Variants in CHN2 observed in about 807,000 individuals in gnomAD.
CHN2 encodes the protein beta-chimaerin.
CHN2 carries 35 observed loss-of-function variants against 56.3 expected under a neutral mutation model. The ratio of observed to expected loss-of-function variants is 0.62; its 90% CI spans 0.47 to 0.82. The LOEUF is 0.82. CHN2 is among the 40% of genes least tolerant of loss of function. The pLI is 0.00. For missense variants in CHN2, 491 were observed against 580.5 expected, an observed-to-expected ratio of 0.85 and a Z score of 1.58; for synonymous variants, 210 against 212.8, an observed-to-expected ratio of 0.99 and a Z score of 0.12.
At chr7:29,296,563 A>G (rs527520323) in intron 1 of CHN2, among the ~76,000 whole-genome samples, 1 of 152,240 alleles carries the variant, frequency 6.6e-6, no homozygotes, top group Non-Finnish European at 1.5e-5. Flanking sequence ...GGGTACCTTC[A>G]AGAGAGCATT....
In CHN2 at chr7:29,499,884, CACAA is replaced by C. The variant is rs1223308403; in HGVS notation, c.761_764del (p.Lys254SerfsTer29). ...GTTTACAGACTGTGGATTGAACGTACACAAACAGTGTTCCAAGCACGTTCCCAAT... is the reference window on the plus strand; with the variant it reads ...GTTTACAGACTGTGGATTGAACGTACACAGTGTTCCAAGCACGTTCCCAAT... On this transcript the variant is annotated frameshift_variant, in exon 9 of 13. Transcript: ENST00000222792. LOFTEE classifies it high-confidence loss of function. 1.9e-6 allele frequency: 3 copies of C among 1,601,104 alleles called. No homozygotes were observed. The highest frequency in any genetic ancestry group is 2.6e-6 in the Non-Finnish European group (3 of 1,175,486).
intron 6 of CHN2, among the ~76,000 whole-genome samples, chr7:29,441,721 G>A (rs984154427): frequency 3.3e-5 from 5 of 151,984 alleles, no homozygotes; most frequent in Admixed American, 6.6e-5. Context: ...AATCAAAACC[G>A]CATTGATATT....
At chr7:29,496,882 T>A (rs1242396367) in intron 8 of CHN2, among the ~76,000 whole-genome samples, 1 of 152,214 alleles carries the variant, frequency 6.6e-6, no homozygotes, top group African/African-American at 2.4e-5. Context: ...TCCTCTGATA[T>A]TGATCAGGTT....
At chr7:29,153,705 G>T (rs1223878569) in intron 2 of CHN2, among the ~76,000 whole-genome samples, 1 of 152,114 alleles carries the variant, frequency 6.6e-6, no homozygotes, top group Non-Finnish European at 1.5e-5. Context: ...GAGTGGCTGG[G>T]ATTACAGGTG....
At chr7:29,327,662 C>T (rs867011571) in intron 1 of CHN2, among the ~76,000 whole-genome samples, 1 of 152,032 alleles carries the variant, frequency 6.6e-6, no homozygotes, top group Non-Finnish European at 1.5e-5. Flanking sequence ...CGCGGTGCTC[C>T]CATATTGGGA....
intron 1 of CHN2, among the ~76,000 whole-genome samples, chr7:29,287,181 C>A (rs1325920242): frequency 6.6e-6 from 1 of 152,164 alleles, no homozygotes; most frequent in African/African-American, 2.4e-5. Context: ...GGCAGAGAGA[C>A]TTTTGCTGAG....
chr7:29,331,950 T>G (rs1796252516), intron 1 of CHN2, among the ~76,000 whole-genome samples: 1 of 148,648 alleles, frequency 6.7e-6, no homozygotes, highest in Admixed American at 6.7e-5. Flanking sequence ...AGGTGGAGAT[T>G]GCAGTGAGCC....
At chr7:29,361,556 C>T (rs556610209) in intron 2 of CHN2, among the ~76,000 whole-genome samples, 2 of 152,310 alleles carry the variant, frequency 1.3e-5, no homozygotes, top group African/African-American at 4.8e-5. Flanking sequence ...AGAGAGGTGG[C>T]AGTTCCTCGC....
At chr7:29,313,804 G>T (rs1018046451) in intron 1 of CHN2, among the ~76,000 whole-genome samples, 1 of 152,136 alleles carries the variant, frequency 6.6e-6, no homozygotes, top group Non-Finnish European at 1.5e-5. Flanking sequence ...GGGGTCTTAA[G>T]GTGGTTTATG....
At chr7:29,376,064 A>T (rs1800055407) in intron 3 of CHN2, among the ~76,000 whole-genome samples, 1 of 152,204 alleles carries the variant, frequency 6.6e-6, no homozygotes, top group South Asian at 2.1e-4. Context: ...CTGTCCAACC[A>T]AGCACTGAGA....
chr7:29,212,700 T>A, intron 1 of CHN2: 2 of 1,572,404 alleles, frequency 1.3e-6, no homozygotes. Flanking sequence ...ATCTGGAACC[T>A]CAGCTACAAA....
chr7:29,302,766 C>T lies in CHN2; in HGVS notation c.50-51859C>T, dbSNP rs565965414. The stretch of plus-strand genomic sequence containing the variant: ...GATTAAACAATAACTCTCTATTCTC[C>T]TCCCCTCTCCAGAACCTGGCAGCCA... On this transcript the variant is annotated intron_variant, in intron 1 of 12. Coordinates refer to ENST00000222792, the MANE Select transcript of CHN2 (RefSeq NM_004067.4). Among the ~76,000 whole-genome samples the T allele has an allele frequency of 4.6e-5, 7 of 152,244 alleles. No homozygotes were observed. In the East Asian group the frequency reaches 1.4e-3, roughly 29 times the overall value.
At chr7:29,458,377 GCACACACACACACACACA>G (rs58364010) in intron 6 of CHN2, among the ~76,000 whole-genome samples, 1 of 135,916 alleles carries the variant, frequency 7.4e-6, no homozygotes, top group Non-Finnish European at 1.6e-5. Flanking sequence ...GCATAGCTGT[GCACACACACACACACACA>G]CACACACACA....
rs771128115 is a variant in CHN2, at chr7:29,400,534, C to T, written c.291-9C>T. 13 of 1,612,970 alleles carry T rather than the reference C, an allele frequency of 8.1e-6. No homozygotes were observed. Among genetic ancestry groups the T allele is most frequent in the Non-Finnish European group, 1.0e-5 (12 of 1,179,360 alleles). On this transcript the variant is annotated splice_polypyrimidine_tract_variant and intron_variant, in intron 5 of 12. Coordinates refer to ENST00000222792, the MANE Select transcript of CHN2 (RefSeq NM_004067.4). ...ACGTGGTTGTAATCCCTCATTCTCT[C>T]ACGGGCAGGTTTGGAAACCAGACCT...
chr7:29,185,765 T>C (rs1554355675), intron 2 of CHN2, among the ~76,000 whole-genome samples: 1 of 152,180 alleles, frequency 6.6e-6, no homozygotes, highest in Non-Finnish European at 1.5e-5. Context: ...GGACCTTTAT[T>C]ATTCAAAATT....
At chr7:29,474,557 G>T (rs1786430919) in intron 6 of CHN2, among the ~76,000 whole-genome samples, 1 of 152,070 alleles carries the variant, frequency 6.6e-6, no homozygotes, top group Admixed American at 6.5e-5. Flanking sequence ...TCGTAATATT[G>T]ATTTTCATTT....
chr7:29,339,495 A>G (rs1585099976), intron 1 of CHN2, among the ~76,000 whole-genome samples: 1 of 152,252 alleles, frequency 6.6e-6, no homozygotes, highest in Non-Finnish European at 1.5e-5. Flanking sequence ...ATAGTATTCC[A>G]CAGCAGATTT....
At chr7:29,426,689 A>G (rs1804890865) in intron 6 of CHN2, among the ~76,000 whole-genome samples, 1 of 152,162 alleles carries the variant, frequency 6.6e-6, no homozygotes, top group African/African-American at 2.4e-5. Flanking sequence ...AGTCCAGCAG[A>G]CTCAGCCAGG....
intron 2 of CHN2, among the ~76,000 whole-genome samples, chr7:29,180,193 T>G (rs191150607): frequency 6.6e-6 from 1 of 152,310 alleles, no homozygotes; most frequent in Admixed American, 6.5e-5. Context: ...ATATTGTGAA[T>G]CAAATTTAGA....
Sources: allele counts gnomAD v4.1 joint callset (sites outside exome capture counted in the v4.1 genomes callset), GRCh38; gene constraint gnomAD v4.1.1; transcripts MANE v1.5; gene names NCBI Gene and HGNC (gene_info 2026-07-23, HGNC 2026-07-21).